The following NFATC2 variants were observed in gnomAD, a reference collection of about 807,000 sequenced individuals.
NFATC2 encodes the protein nuclear factor of activated T-cells, cytoplasmic 2.
NFATC2 carries 22 observed loss-of-function variants against 87.3 expected under a neutral mutation model. The ratio of observed to expected loss-of-function variants is 0.25; its 90% CI spans 0.18 to 0.36. NFATC2 has a LOEUF of 0.36. NFATC2 is among the 10% of genes least tolerant of loss of function. The probability of loss-of-function intolerance (pLI) is 1.00; values close to 1 mark genes in which losing one functional copy is unlikely to be tolerated. For missense variants in NFATC2, 1,149 were observed against 1,259.1 expected (o/e 0.91, Z 1.32); for synonymous variants, 565 against 542.2 (o/e 1.04, Z -0.58).
At chr20:51,508,947 C>G (rs947770375) in intron 3 of NFATC2, among the ~76,000 whole-genome samples, 1 of 152,108 alleles carries the variant, frequency 6.6e-6, no homozygotes, top group African/African-American at 2.4e-5. Context: ...CTACGTCAAG[C>G]CAGGCCCTCC....
rs577280565 is a variant in NFATC2, at chr20:51,469,519, C to T, written c.1708+4461G>A. On this transcript the variant is annotated intron_variant, in intron 5 of 10. Coordinates refer to ENST00000371564, the MANE Select transcript of NFATC2 (RefSeq NM_012340.5). Reference sequence around the variant, plus strand: ...AGTGGGTTACACATAGTACCCCCTACCCGACTCCTCCTCCCTGCAAACTTC... The same window carrying T: ...AGTGGGTTACACATAGTACCCCCTATCCGACTCCTCCTCCCTGCAAACTTC... 4.6e-5 allele frequency among the ~76,000 whole-genome samples: 7 copies of T among 152,242 alleles called. No individual in the cohort carries two copies. The South Asian group carries it at 1.5e-3, about 32-fold the overall frequency.
At chr20:51,450,788 G>A (rs1006835834) in intron 6 of NFATC2, among the ~76,000 whole-genome samples, 2 of 152,202 alleles carry the variant, frequency 1.3e-5, no homozygotes, top group Non-Finnish European at 2.9e-5. Flanking sequence ...AATAATAGGA[G>A]CTGTGATTAT....
chr20:51,392,982 G>A (rs1227419458), intron 10 of NFATC2, among the ~76,000 whole-genome samples: 1 of 152,212 alleles, frequency 6.6e-6, no homozygotes, highest in East Asian at 1.9e-4. Context: ...GGGAATCATA[G>A]CACATACCTT....
At chr20:51,473,907 T>C (rs745793659) in intron 5 of NFATC2, 73 bp downstream of exon 5, 219 of 1,531,258 alleles carry the variant, frequency 1.4e-4, no homozygotes, top group Admixed American at 2.1e-4. Flanking sequence ...TCGCCCAGAA[T>C]ACACTGCTCC....
chr20:51,474,966 TA>T lies in NFATC2; in HGVS notation c.1535+491del, dbSNP rs1189858693. Among the ~76,000 whole-genome samples the T allele has an allele frequency of 1.5e-4, 21 of 143,432 alleles. 1 individual carries two copies. Among genetic ancestry groups the T allele is most frequent in the Admixed American group, 2.1e-4 (3 of 14,368 alleles). The allele number at this position is 143,432 out of a possible 152,430, so 94.1% of individuals were successfully genotyped here. A position where few individuals can be genotyped will look rare whatever the true frequency, so the allele number is the denominator to read the frequency against. On this transcript the variant is annotated intron_variant, in intron 4 of 10. Transcript: ENST00000371564. Reference sequence around the variant, plus strand: ...ATGAAAATACTGACATATTATACTTTATTTATTTTTTTTTTTTTTTGAGACA... The same window carrying T: ...ATGAAAATACTGACATATTATACTTTTTTATTTTTTTTTTTTTTTGAGACA...
chr20:51,505,545 A>T (rs1373344862), intron 3 of NFATC2, among the ~76,000 whole-genome samples: 1 of 151,806 alleles, frequency 6.6e-6, no homozygotes, highest in South Asian at 2.1e-4. Context: ...TACGAATGAA[A>T]TTTTTCGAAC....
rs1418071839 is a variant in NFATC2 at position 51,435,736 on chromosome 20, T to C, written c.1875A>G (p.Glu625=). The part of the protein sequence containing the change: ...TTDGQQIWEM[E]ATVDKDKSQP... The stretch of plus-strand genomic sequence containing the variant: ...GGCTCTTGTCCTTATCCACCGTGGC[T>C]TCCATCTCCCAAATTTGCTGTCCAT... The change falls in exon 7 of 11, where the codon GAA becomes GAG. Residue 625 remains glutamate (E), a synonymous_variant. Transcript: ENST00000371564. 1 of 1,608,560 alleles carries C rather than the reference T, an allele frequency of 6.2e-7. No individual in the cohort carries two copies. Among genetic ancestry groups the C allele is most frequent in the East Asian group, 2.2e-5 (1 of 44,844 alleles).
intron 5 of NFATC2, among the ~76,000 whole-genome samples, chr20:51,463,391 C>A (rs2146468020): frequency 6.6e-6 from 1 of 152,268 alleles, no homozygotes; most frequent in Non-Finnish European, 1.5e-5. Context: ...GGGGCCTCAG[C>A]TTCAGCTTTC....
At chr20:51,460,589 G>A (rs1012844720) in intron 5 of NFATC2, among the ~76,000 whole-genome samples, 1 of 149,986 alleles carries the variant, frequency 6.7e-6, no homozygotes, top group African/African-American at 2.5e-5. Context: ...TCACCTCTGT[G>A]GTCACTGCTG....
intron 3 of NFATC2, among the ~76,000 whole-genome samples, chr20:51,507,803 T>C (rs1356301400): frequency 2.0e-5 from 3 of 152,140 alleles, no homozygotes; most frequent in African/African-American, 7.2e-5. Flanking sequence ...TGGCTGGGGG[T>C]GACCCCTGGC....
intron 5 of NFATC2, among the ~76,000 whole-genome samples, chr20:51,464,120 C>A (rs566829703): frequency 8.5e-5 from 13 of 152,322 alleles, no homozygotes; most frequent in Admixed American, 3.9e-4. Flanking sequence ...CCTACTGCTG[C>A]CTGGGTTTCA....
intron 10 of NFATC2, among the ~76,000 whole-genome samples, chr20:51,397,449 T>A (rs1386700589): frequency 2.0e-5 from 3 of 152,084 alleles, no homozygotes; most frequent in Non-Finnish European, 4.4e-5. Context: ...CTGGTCAGAG[T>A]CAGCCACAGG....
chr20:51,432,824 T>C lies in NFATC2; in HGVS notation c.2033-68A>G. The C allele has an allele frequency of 1.4e-6, 2 of 1,391,256 alleles. No individual in the cohort carries two copies. Among genetic ancestry groups the C allele is most frequent in the Non-Finnish European group, 1.9e-6 (2 of 1,048,950 alleles). The allele number at this position is 1,391,256 out of a possible 1,614,324, so 86.2% of individuals were successfully genotyped here. The stretch of plus-strand genomic sequence containing the variant: ...GCCACGGATGTGCACGGAGGATTCG[T>C]GGATGGTGCTTGAGAACATGGCCTT... On this transcript the variant is annotated intron_variant, in intron 8 of 10. Coordinates refer to ENST00000371564, the MANE Select transcript of NFATC2 (RefSeq NM_012340.5). The surrounding 1 kb of genome is among the most constrained non-coding windows in gnomAD (Gnocchi z 4.6).
At chr20:51,505,319 C>T (rs574163648) in intron 3 of NFATC2, among the ~76,000 whole-genome samples, 2 of 151,786 alleles carry the variant, frequency 1.3e-5, no homozygotes, top group Non-Finnish European at 2.9e-5. Context: ...CACGTCTGGC[C>T]ATTTCCTGTA....
At chr20:51,482,936 G>A (rs1438961590) in intron 3 of NFATC2, among the ~76,000 whole-genome samples, 1 of 152,168 alleles carries the variant, frequency 6.6e-6, no homozygotes, top group African/African-American at 2.4e-5. Flanking sequence ...CCAGGGTTCG[G>A]ACTAGCCCAA....
At chr20:51,550,547 C>A (rs1191985281) in intron 1 of NFATC2, among the ~76,000 whole-genome samples, 2 of 152,010 alleles carry the variant, frequency 1.3e-5, no homozygotes, top group African/African-American at 4.8e-5. Context: ...GCCGAGATTG[C>A]GCCATTGTAC....
At chr20:51,473,948 G>A (rs1385508614) in intron 5 of NFATC2, 32 bp downstream of exon 5, 4 of 1,605,234 alleles carry the variant, frequency 2.5e-6, no homozygotes, top group Non-Finnish European at 3.4e-6. Context: ...TACGCTTTCT[G>A]AAGAAAGACC....
chr20:51,499,259 G>A (rs1011705978), intron 3 of NFATC2, among the ~76,000 whole-genome samples: 4 of 152,148 alleles, frequency 2.6e-5, no homozygotes, highest in Non-Finnish European at 5.9e-5. Flanking sequence ...CCAGTTAGGA[G>A]GCTGTCACCC....
At chr20:51,414,245 C>T (rs73615386) in intron 9 of NFATC2, among the ~76,000 whole-genome samples, 3 of 152,026 alleles carry the variant, frequency 2.0e-5, no homozygotes, top group Non-Finnish European at 4.4e-5. Flanking sequence ...CCCAGAGACT[C>T]GAGCAAGGGA....
Sources: allele counts gnomAD v4.1 joint callset (sites outside exome capture counted in the v4.1 genomes callset), GRCh38; gene constraint gnomAD v4.1.1; non-coding constraint Gnocchi (gnomAD v3.1); transcripts MANE v1.5; gene names NCBI Gene and HGNC (gene_info 2026-07-23, HGNC 2026-07-21).